The following HOXA3 variants were observed in gnomAD, a reference collection of about 807,000 sequenced individuals.
HOXA3 encodes homeobox A3.
Under a neutral mutation model 30.3 loss-of-function variants are expected in HOXA3, and 8 were observed. The ratio of observed to expected loss-of-function variants is 0.26; its 90% confidence interval spans 0.15 to 0.48. The LOEUF (loss-of-function observed/expected upper bound fraction) is 0.48. Among genes scored for constraint, HOXA3 ranks in the 20% least tolerant of loss-of-function variants. The pLI, the probability that HOXA3 is intolerant of heterozygous loss-of-function variation, is 0.99. For synonymous variants in HOXA3, 323 were observed against 273.1 expected (o/e 1.18, Z -1.80); for missense variants, 653 against 614.4 (o/e 1.06, Z -0.66).
chr7:27,142,962 C>T, intron 1 of HOXA3: 1 of 1,270,662 alleles, frequency 7.9e-7, no homozygotes, highest in Non-Finnish European at 1.1e-6. Context: ...CCAAGAGAGA[C>T]TGGGAGAGGG....
Position 27,108,983 on chromosome 7 carries a change from T to A in HOXA3, c.527-263A>T, listed in dbSNP as rs1384184729. ...CCCCGGTTTGCCTTCCTGGTCTGGA[T>A]TTTCTGTTTAGAGCTATTAACTTTC... On this transcript the variant is annotated intron_variant, in intron 5 of 5. Coordinates refer to ENST00000612286, the MANE Select transcript of HOXA3 (RefSeq NM_153631.3). The surrounding 1 kb of genome is among the most constrained non-coding windows in gnomAD (Gnocchi z 5.0). Among the ~76,000 whole-genome samples the A allele has an allele frequency of 6.6e-6, 1 of 152,078 alleles. No homozygotes were observed. The highest frequency in any genetic ancestry group is 1.5e-5 in the Non-Finnish European group (1 of 68,004).
intron 2 of HOXA3, chr7:27,130,211 ACGCGGGGG>A (rs1450359895): frequency 1.3e-6 from 2 of 1,534,978 alleles, no homozygotes; most frequent in Non-Finnish European, 1.7e-6. Context: ...AGCAGCGGGC[ACGCGGGGG>A]CGCTGCCCCC....
intron 4 of HOXA3, among the ~76,000 whole-genome samples, chr7:27,119,812 A>G (rs1335240886): frequency 3.9e-5 from 6 of 152,216 alleles, no homozygotes; most frequent in Non-Finnish European, 7.3e-5. Flanking sequence ...ATAAAAGAAG[A>G]GACCTAATCC....
chr7:27,149,692 AC>A (rs1782903534), intron 1 of HOXA3, among the ~76,000 whole-genome samples: 1 of 152,264 alleles, frequency 6.6e-6, no homozygotes, highest in South Asian at 2.1e-4. Flanking sequence ...CATTTCCCAC[AC>A]ATTACTTCAG....
Position 27,134,020 on chromosome 7 carries a change from A to C in HOXA3, c.-390+6063T>G, listed in dbSNP as rs1785642302. On this transcript the variant is annotated intron_variant, in intron 2 of 5. Coordinates refer to ENST00000612286, the MANE Select transcript of HOXA3 (RefSeq NM_153631.3). ...CCTTCTCAGGAAAAACCAAGGGGAA[A>C]AGCCAAAGGAAATGTAAACGTTATG... 5 of 152,260 alleles carry C rather than the reference A, an allele frequency of 3.3e-5. No homozygotes were observed. In the South Asian group the frequency reaches 1.0e-3, roughly 31 times the overall value. 9.4% of individuals were successfully genotyped at this position (152,260 alleles called of 1,614,324 possible).
At chr7:27,118,294 G>A (rs1035850215) in intron 4 of HOXA3, among the ~76,000 whole-genome samples, 11 of 152,214 alleles carry the variant, frequency 7.2e-5, no homozygotes, top group African/African-American at 2.7e-4. Flanking sequence ...GGTGCGTGGG[G>A]GTTGGGGGAA....
chr7:27,125,260 TCA>T (rs1249052847), intron 3 of HOXA3, among the ~76,000 whole-genome samples: 11 of 152,220 alleles, frequency 7.2e-5, no homozygotes, highest in African/African-American at 2.7e-4. Context: ...TTCGGCTGCC[TCA>T]GTTTTCTCAT....
intron 4 of HOXA3, chr7:27,121,169 T>G (rs1784986785): frequency 6.6e-6 from 1 of 152,176 alleles, no homozygotes; most frequent in Non-Finnish European, 1.5e-5. Flanking sequence ...TACTTAAATC[T>G]AGTGGATTTT....
At chr7:27,147,953 G>T (rs1225304787) in intron 1 of HOXA3, among the ~76,000 whole-genome samples, 1 of 152,236 alleles carries the variant, frequency 6.6e-6, no homozygotes, top group Non-Finnish European at 1.5e-5. Context: ...AGGCAGCAAA[G>T]TTACAAACAG....
intron 1 of HOXA3, chr7:27,143,747 G>A (rs1265617564): frequency 1.4e-6 from 2 of 1,406,860 alleles, no homozygotes; most frequent in African/African-American, 3.0e-5. Flanking sequence ...CAAATATGGG[G>A]TACGACTTCG....
intron 1 of HOXA3, among the ~76,000 whole-genome samples, chr7:27,149,886 A>G (rs938774559): frequency 6.6e-6 from 1 of 152,228 alleles, no homozygotes; most frequent in African/African-American, 2.4e-5. Flanking sequence ...ATGACAATCA[A>G]TGTTTACATT....
chr7:27,147,152 C>G (rs3735529), intron 1 of HOXA3: 80,828 of 769,976 alleles, frequency 0.1, 5,017 homozygotes, highest in East Asian at 0.21. Flanking sequence ...CCATTGGGAA[C>G]TGATTTTTTC....
At chr7:27,142,683 G>A (rs764806636) in intron 1 of HOXA3, 2 of 266,636 alleles carry the variant, frequency 7.5e-6, no homozygotes, top group South Asian at 1.4e-4. Context: ...TAAATTATCC[G>A]CCGTGACAAG....
intron 1 of HOXA3, chr7:27,147,328 T>A (rs781580474): frequency 1.9e-6 from 3 of 1,613,972 alleles, no homozygotes; most frequent in Non-Finnish European, 1.7e-6. Flanking sequence ...GTTCATCCGC[T>A]GCATCCAAGG....
intron 1 of HOXA3, chr7:27,151,346 C>T (rs573147944): frequency 9.0e-6 from 3 of 332,830 alleles, no homozygotes; most frequent in African/African-American, 4.4e-5. Context: ...CGCTTCCTCC[C>T]GGGCAGCTCC....
rs905436510 is a variant in HOXA3 at position 27,110,766 on chromosome 7, G to A, written c.-120-6C>T. 1 of 1,467,952 alleles carries A rather than the reference G, an allele frequency of 6.8e-7. No homozygotes were observed. 90.9% of individuals were successfully genotyped at this position (1,467,952 alleles called of 1,614,324 possible). On this transcript the variant is annotated splice_polypyrimidine_tract_variant and splice_region_variant and intron_variant, in intron 4 of 5. Transcript: ENST00000612286. ...AATGGCCGCCCCGCGCAGACCTGGT[G>A]GGGCGAGAAGCGCAGCGCGGTGAGG...
chr7:27,145,813 G>T, intron 1 of HOXA3: 1 of 1,614,274 alleles, frequency 6.2e-7, no homozygotes, highest in Non-Finnish European at 8.5e-7. Flanking sequence ...ATGCGGCGGC[G>T]CCGTGTCAGG....
chr7:27,117,229 C>T (rs1784772413), intron 4 of HOXA3, among the ~76,000 whole-genome samples: 1 of 152,220 alleles, frequency 6.6e-6, no homozygotes, highest in South Asian at 2.1e-4. Context: ...GAGATGTCTG[C>T]CTCTGCTTCC....
At chr7:27,147,908 C>A (rs1426498771) in intron 1 of HOXA3, 2 of 669,018 alleles carry the variant, frequency 3.0e-6, no homozygotes, top group East Asian at 2.8e-5. Flanking sequence ...TGGGAGCGAA[C>A]GCCGGAGCCC....
Sources: allele counts gnomAD v4.1 joint callset (sites outside exome capture counted in the v4.1 genomes callset), GRCh38; gene constraint gnomAD v4.1.1; non-coding constraint Gnocchi (gnomAD v3.1); transcripts MANE v1.5; gene names NCBI Gene and HGNC (gene_info 2026-07-23, HGNC 2026-07-21).